The following SMG1 variants were observed in gnomAD, a reference collection of about 807,000 sequenced individuals.
The protein encoded by SMG1 is serine/threonine-protein kinase SMG1.
Under a neutral mutation model 419.9 loss-of-function variants are expected in SMG1, and 22 were observed. That is an observed-to-expected ratio of 0.05 (90% CI 0.04 to 0.07). SMG1 has a LOEUF of 0.07. SMG1 is among the 10% of genes least tolerant of loss of function. The pLI is 1.00. For synonymous variants in SMG1, 1,538 were observed against 1,553.5 expected, an observed-to-expected ratio of 0.99 and a Z score of 0.23; for missense variants, 3,185 against 4,342.0, an observed-to-expected ratio of 0.73 and a Z score of 7.49.
intron 1 of SMG1, among the ~76,000 whole-genome samples, chr16:18,902,073 C>T (rs946722699): frequency 6.6e-6 from 1 of 152,088 alleles, no homozygotes; most frequent in African/African-American, 2.4e-5. Context: ...GCTTGACCTC[C>T]AGTGGGGCTG....
intron 1 of SMG1, among the ~76,000 whole-genome samples, chr16:18,908,805 G>A (rs62047583): frequency 0.33 from 49,312 of 151,460 alleles, 9,917 homozygotes; most frequent in East Asian, 0.59. Context: ...GCGTGAGCGC[G>A]GGAGGTGGAG....
chr16:18,889,717 T>C (rs2036794034), intron 5 of SMG1, 132 bp from the exon 6 acceptor site: 4 of 634,478 alleles, frequency 6.3e-6, no homozygotes, highest in South Asian at 3.6e-5. Flanking sequence ...ACATAAAAGG[T>C]TGAAATTTTC....
In SMG1 at chr16:18,859,710, A is replaced by G; in HGVS notation, c.3806-7T>C. On this transcript the variant is annotated splice_polypyrimidine_tract_variant and splice_region_variant and intron_variant, in intron 26 of 62. Coordinates refer to ENST00000446231, the MANE Select transcript of SMG1 (RefSeq NM_015092.5). Reference sequence around the variant, plus strand: ...GGAAGCAGTTTTTTCATGTCTACCAAAGTTAAATAAAACGTCATTAAGTTC... The same window carrying G: ...GGAAGCAGTTTTTTCATGTCTACCAGAGTTAAATAAAACGTCATTAAGTTC... 1 of 1,588,442 alleles carries G rather than the reference A, an allele frequency of 6.3e-7. No individual in the cohort carries two copies.
At chr16:18,820,549 G>A (rs773567521) in intron 55 of SMG1, among the ~76,000 whole-genome samples, 10 of 152,134 alleles carry the variant, frequency 6.6e-5, no homozygotes. Flanking sequence ...ATCATGACGA[G>A]GAAAGTTTAA....
At position 18,880,829 on chromosome 16, in the gene SMG1, T is replaced by C. The variant is rs1364070669; in HGVS notation, c.1294-1110A>G. ...TGGGAAGACTGCTTGAGGCCAAAAG[T>C]TCAAGACCAGCCTGGGAAACACTGA... On this transcript the variant is annotated intron_variant, in intron 10 of 62. Transcript: ENST00000446231. Among the ~76,000 whole-genome samples the C allele has an allele frequency of 2.6e-5, 4 of 151,014 alleles. No individual in the cohort carries two copies. The East Asian group carries it at 7.8e-4, about 29-fold the overall frequency.
Position 18,859,114 on chromosome 16 carries a change from T to C in SMG1, c.4021A>G (p.Thr1341Ala), listed in dbSNP as rs762367968. 52 of 1,530,668 alleles carry C rather than the reference T, an allele frequency of 3.4e-5. No individual in the cohort carries two copies. The highest frequency in any genetic ancestry group is 4.3e-5 in the Non-Finnish European group (49 of 1,142,428). 94.8% of individuals were successfully genotyped at this position (1,530,668 alleles called of 1,614,324 possible). A position where few individuals can be genotyped will look rare whatever the true frequency, so the allele number is the denominator to read the frequency against. The change falls in exon 28 of 63, where the codon ACA (threonine) becomes GCA (alanine). Residue 1341 changes from threonine to alanine, a missense_variant. Thr to Ala is a moderately conservative substitution (Grantham distance 58, BLOSUM62 0). Transcript: ENST00000446231. ...AGAACTGGCAAAGACTGTGAAACTG[T>C]TAAAGTAGAAAGTCTCAGAGGTCCA... Reference protein sequence around the residue: ...AIGPLRLSTLTVSQSLPVLST... With the variant: ...AIGPLRLSTLAVSQSLPVLST...
chr16:18,866,854 T>C (rs1227742998), intron 22 of SMG1, 79 bp from the exon 23 acceptor site: 1 of 1,171,144 alleles, frequency 8.5e-7, no homozygotes, highest in Non-Finnish European at 1.2e-6. Context: ...CTGATCAGTC[T>C]GTGCCTGCTT....
intron 1 of SMG1, among the ~76,000 whole-genome samples, chr16:18,918,803 G>C (rs1437645726): frequency 1.3e-5 from 2 of 152,082 alleles, no homozygotes; most frequent in Admixed American, 6.6e-5. Flanking sequence ...GATCACCTGA[G>C]GTCAGGAGTT....
At chr16:18,854,567 A>G (rs1237265001) in intron 30 of SMG1, 89 bp downstream of exon 30, 2 of 1,252,336 alleles carry the variant, frequency 1.6e-6, no homozygotes, top group Non-Finnish European at 2.2e-6. Context: ...CAACTTTGCT[A>G]TTACTACCTT....
At chr16:18,838,288 G>T (rs756041698) in intron 44 of SMG1, 56 bp from the exon 45 acceptor site, 1 of 1,608,280 alleles carries the variant, frequency 6.2e-7, no homozygotes, top group Non-Finnish European at 8.5e-7. Flanking sequence ...TCACTAAAGT[G>T]TGGTTTTCAT....
At position 18,879,592 on chromosome 16, in the gene SMG1, T is replaced by C. The variant is rs767940881; in HGVS notation, c.1421A>G (p.His474Arg). The change falls in exon 11 of 63, where the codon CAT becomes CGT. Residue 474 changes from histidine to arginine, a missense_variant. His to Arg is a conservative substitution (Grantham distance 29). Transcript: ENST00000446231. ...LGSLDPSMTI[H>R]CDMVITYGLD... ...TCCATATGTAATGACCATGTCACAA[T>C]GTATAGTCATGCTAGGATCCAAGCT... 6.0e-6 allele frequency: 8 copies of C among 1,327,524 alleles called. No homozygotes were observed. The highest frequency in any genetic ancestry group is 1.4e-5 in the African/African-American group (1 of 69,158). 82.2% of individuals were successfully genotyped at this position (1,327,524 alleles called of 1,614,324 possible). A position where few individuals can be genotyped will look rare whatever the true frequency, so the allele number is the denominator to read the frequency against.
intron 29 of SMG1, chr16:18,857,381 T>C (rs1435288204): frequency 6.6e-6 from 1 of 152,250 alleles, no homozygotes; most frequent in African/African-American, 2.4e-5. Context: ...AAACTCAATA[T>C]TCATAGCGCA....
At chr16:18,921,382 A>G (rs2038195457) in intron 1 of SMG1, among the ~76,000 whole-genome samples, 1 of 151,922 alleles carries the variant, frequency 6.6e-6, no homozygotes, top group Non-Finnish European at 1.5e-5. Context: ...AAACATAAAA[A>G]CAAACGTTCC....
At chr16:18,903,730 C>G (rs1225163167) in intron 1 of SMG1, among the ~76,000 whole-genome samples, 1 of 152,196 alleles carries the variant, frequency 6.6e-6, no homozygotes, top group Non-Finnish European at 1.5e-5. Flanking sequence ...AGCCAGAACT[C>G]AGACCCAGTA....
chr16:18,878,952 G>A (rs1300705861), intron 11 of SMG1: 2 of 171,392 alleles, frequency 1.2e-5, no homozygotes, highest in Non-Finnish European at 2.5e-5. Flanking sequence ...CAAGGCTGCA[G>A]TGAGCCAAAA....
At chr16:18,913,713 A>G (rs1234671808) in intron 1 of SMG1, among the ~76,000 whole-genome samples, 4 of 152,076 alleles carry the variant, frequency 2.6e-5, no homozygotes, top group Non-Finnish European at 5.9e-5. Context: ...CAGTGAGGCC[A>G]CTGCTAAGCC....
intron 38 of SMG1, among the ~76,000 whole-genome samples, chr16:18,846,711 A>G (rs1303516025): frequency 2.0e-5 from 3 of 152,228 alleles, no homozygotes; most frequent in African/African-American, 7.2e-5. Flanking sequence ...TATCAAAAAA[A>G]GAAAAGAAAA....
At chr16:18,875,603 A>AC (rs2036083702) in intron 13 of SMG1, 1 of 154,122 alleles carries the variant, frequency 6.5e-6, no homozygotes, top group African/African-American at 2.4e-5. Context: ...AAAAAAAAAA[A>AC]AAAAGTATTC....
Position 18,854,026 on chromosome 16 carries a change from C to T in SMG1, c.4484-159G>A, listed in dbSNP as rs188964103. ...CATAGGAGGCTCCTACTGTCTTAGC[C>T]TCCCAAAGTGCTGAGATTGCAGGCA... On this transcript the variant is annotated intron_variant, in intron 30 of 62. Transcript: ENST00000446231. 6.9e-3 allele frequency among the ~76,000 whole-genome samples: 1,051 copies of T among 151,432 alleles called. 3 individuals carry two copies. The highest frequency in any genetic ancestry group is 0.011 in the Non-Finnish European group (763 of 67,908).
Sources: gnomAD v4.1 joint callset for allele counts (sites outside exome capture counted in the v4.1 genomes callset) on GRCh38, gnomAD v4.1.1 for gene constraint, MANE v1.5 for transcripts, NCBI Gene and HGNC (gene_info 2026-07-23, HGNC 2026-07-21) for gene names.